DNAJC12: variants seen among roughly 807,000 people sequenced by gnomAD.
DNAJC12 encodes DnaJ heat shock protein family (Hsp40) member C12, also known as dnaJ homolog subfamily C member 12.
Under a neutral mutation model 28.5 loss-of-function variants are expected in DNAJC12, and 25 were observed. The ratio of observed to expected loss-of-function variants is 0.88; its 90% CI spans 0.64 to 1.22. The LOEUF is 1.22. Ranked by LOEUF, DNAJC12 falls within the 50% of genes most tolerant of loss-of-function variation. The pLI is 0.00. For missense variants in DNAJC12, 222 were observed against 231.7 expected, an observed-to-expected ratio of 0.96 and a Z score of 0.27; for synonymous variants, 77 against 80.6, an observed-to-expected ratio of 0.95 and a Z score of 0.24.
Position 67,797,193 on chromosome 10 carries a change from C to G in DNAJC12, c.520G>C (p.Gly174Arg). The G allele has an allele frequency of 6.2e-7, 1 of 1,613,630 alleles. No individual in the cohort carries two copies. Among genetic ancestry groups the G allele is most frequent in the African/African-American group, 1.3e-5 (1 of 75,040 alleles). Residue 174 changes from glycine to arginine, a missense_variant, in exon 5 of 5, where the codon GGT becomes CGT. Physicochemically the swap from Gly to Arg is moderately radical, Grantham distance 125. Transcript: ENST00000225171. ...SDSSGFADVN[G>R]WHLRFRWSKD... ...GACCAGCGGAAACGAAGGTGCCAAC[C>G]ATTCACATCTGCAAAACCTTTAAAG... is the stretch of plus-strand genomic sequence containing the variant.
chr10:67,807,077 T>C (rs1205581432), intron 3 of DNAJC12, among the ~76,000 whole-genome samples: 2 of 151,826 alleles, frequency 1.3e-5, no homozygotes, highest in East Asian at 3.9e-4. Context: ...CTGGCCAACA[T>C]GGTGAAACCT....
At chr10:67,833,721 G>T (rs897250456) in intron 1 of DNAJC12, 18 of 407,702 alleles carry the variant, frequency 4.4e-5, no homozygotes, top group Non-Finnish European at 6.0e-5. Context: ...GGGCTGGGAT[G>T]ATCCAGGCTC....
chr10:67,825,028 C>G (rs1224470277), intron 1 of DNAJC12, among the ~76,000 whole-genome samples: 1 of 152,062 alleles, frequency 6.6e-6, no homozygotes, highest in East Asian at 1.9e-4. Flanking sequence ...AGCCACCGTA[C>G]CTGGGAAGAC....
At chr10:67,828,387 A>G (rs1177027595) in intron 1 of DNAJC12, among the ~76,000 whole-genome samples, 1 of 152,162 alleles carries the variant, frequency 6.6e-6, no homozygotes, top group Non-Finnish European at 1.5e-5. Context: ...CTCATAAGGA[A>G]TGTCTTCACT....
At chr10:67,822,355 A>G (rs964793494) in intron 2 of DNAJC12, among the ~76,000 whole-genome samples, 1 of 152,226 alleles carries the variant, frequency 6.6e-6, no homozygotes, top group Non-Finnish European at 1.5e-5. Flanking sequence ...TTCAGGGGAG[A>G]TAAGTACCAA....
At chr10:67,814,552 T>A (rs1266820028) in intron 2 of DNAJC12, among the ~76,000 whole-genome samples, 2 of 152,088 alleles carry the variant, frequency 1.3e-5, no homozygotes, top group African/African-American at 4.8e-5. Flanking sequence ...CCTCAAAGAA[T>A]ACCATGAAGA....
chr10:67,818,394 T>C (rs1286033131), intron 2 of DNAJC12, among the ~76,000 whole-genome samples: 2 of 152,224 alleles, frequency 1.3e-5, no homozygotes, highest in East Asian at 3.8e-4. Context: ...GATATTGATG[T>C]CTGTGTACCT....
At chr10:67,828,625 T>G (rs1257742865) in intron 1 of DNAJC12, among the ~76,000 whole-genome samples, 2 of 151,500 alleles carry the variant, frequency 1.3e-5, no homozygotes, top group Admixed American at 6.6e-5. Flanking sequence ...CTAGACTTGT[T>G]TTTAAATTTT....
chr10:67,820,683 G>T (rs1841972644), intron 2 of DNAJC12, among the ~76,000 whole-genome samples: 1 of 151,224 alleles, frequency 6.6e-6, no homozygotes, highest in Non-Finnish European at 1.5e-5. Context: ...TAGAAAAAAT[G>T]ATCTGTTTTT....
At chr10:67,816,519 G>T (rs539711237) in intron 2 of DNAJC12, among the ~76,000 whole-genome samples, 1 of 149,104 alleles carries the variant, frequency 6.7e-6, no homozygotes, top group African/African-American at 2.4e-5. Context: ...CCATTCCACA[G>T]GTTCTTAGTC....
chr10:67,811,569 C>G lies in DNAJC12; in HGVS notation c.252G>C (p.Ser84=), dbSNP rs202186686. The G allele has an allele frequency of 2.8e-5, 45 of 1,614,082 alleles. No individual in the cohort carries two copies. Among genetic ancestry groups the G allele is most frequent in the Non-Finnish European group, 3.6e-5 (42 of 1,180,040 alleles). ...RYDHWRRSQM[S]MPFQQWEALN... is the part of the protein sequence containing the mutation. ...AAGCTTCCCACTGCTGGAATGGCAT[C>G]GACATCTGGCTCCTTCGCCAGTGGT... The change falls in exon 3 of 5, where the codon TCG becomes TCC. Residue 84 remains serine (S), a synonymous_variant. Coordinates refer to ENST00000225171, the MANE Select transcript of DNAJC12 (RefSeq NM_021800.3).
At chr10:67,819,747 GAA>G (rs376819976) in intron 2 of DNAJC12, among the ~76,000 whole-genome samples, 1,270 of 22,646 alleles carry the variant, frequency 0.056, 82 homozygotes, top group Admixed American at 0.2. Flanking sequence ...AGGAAGGAAG[GAA>G]GGAAGGAAGG....
chr10:67,838,102 G>A lies in DNAJC12; in HGVS notation c.-91C>T. The A allele has an allele frequency of 2.4e-6, 2 of 846,704 alleles. No homozygotes were observed. Among genetic ancestry groups the A allele is most frequent in the Non-Finnish European group, 3.8e-6 (2 of 531,286 alleles). 52.4% of individuals were successfully genotyped at this position (846,704 alleles called of 1,614,324 possible). A position where few individuals can be genotyped will look rare whatever the true frequency, so the allele number is the denominator to read the frequency against. Reference sequence around the variant, plus strand: ...GAAGAAACTCTTTAAATCTGAATTAGAGCAGCATGTTCCACATAGCAAAAA... The same window carrying A: ...GAAGAAACTCTTTAAATCTGAATTAAAGCAGCATGTTCCACATAGCAAAAA... On this transcript the variant is annotated 5_prime_UTR_variant, in exon 1 of 5. Transcript: ENST00000225171.
At chr10:67,831,203 C>T (rs1460584328) in intron 1 of DNAJC12, among the ~76,000 whole-genome samples, 2 of 152,076 alleles carry the variant, frequency 1.3e-5, no homozygotes, top group African/African-American at 2.4e-5. Context: ...TACATACATA[C>T]GTACATACAT....
At chr10:67,801,610 TG>T (rs1253517920) in intron 4 of DNAJC12, among the ~76,000 whole-genome samples, 1 of 151,682 alleles carries the variant, frequency 6.6e-6, no homozygotes, top group African/African-American at 2.4e-5. Flanking sequence ...GGCAACATGG[TG>T]AAACCCCATC....
At chr10:67,817,111 C>T (rs982021901) in intron 2 of DNAJC12, among the ~76,000 whole-genome samples, 1 of 151,980 alleles carries the variant, frequency 6.6e-6, no homozygotes, top group African/African-American at 2.4e-5. Flanking sequence ...AAAACTATCC[C>T]ATCACGTTAA....
At chr10:67,825,344 G>A (rs1376389343) in intron 1 of DNAJC12, 2 of 152,202 alleles carry the variant, frequency 1.3e-5, no homozygotes, top group African/African-American at 4.8e-5. Flanking sequence ...AGGCTGAAGT[G>A]CAGTGGCTAG....
intron 1 of DNAJC12, among the ~76,000 whole-genome samples, chr10:67,831,510 C>T (rs924685740): frequency 2.1e-4 from 32 of 152,080 alleles, no homozygotes; most frequent in Non-Finnish European, 3.5e-4. Flanking sequence ...GAATATTCTC[C>T]AAGATTTCCT....
rs529612074 is a variant in DNAJC12 at position 67,824,709 on chromosome 10, GTTTTA to G, written c.79-1322_79-1318del. On this transcript the variant is annotated intron_variant, in intron 1 of 4. Coordinates refer to ENST00000225171, the MANE Select transcript of DNAJC12 (RefSeq NM_021800.3). ...TGTGGCTCTAGAATCTGACTGCTTG[GTTTTA>G]TTTTATTTTATTTATTTATTTATTT... Among the ~76,000 whole-genome samples the G allele has an allele frequency of 1.4e-3, 205 of 151,626 alleles. 2 individuals carry two copies. The highest frequency in any genetic ancestry group is 4.6e-3 in the African/African-American group (192 of 41,358).
Sources: gnomAD v4.1 joint callset for allele counts (sites outside exome capture counted in the v4.1 genomes callset) on GRCh38, gnomAD v4.1.1 for gene constraint, MANE v1.5 for transcripts, NCBI Gene and HGNC (gene_info 2026-07-23, HGNC 2026-07-21) for gene names.